Variants in PDE4D observed in about 807,000 individuals in gnomAD.
The protein encoded by PDE4D is 3',5'-cyclic-AMP phosphodiesterase 4D.
PDE4D carries 24 observed loss-of-function variants against 87.4 expected under a neutral mutation model. That is an observed-to-expected ratio of 0.27 (90% confidence interval 0.20 to 0.39). PDE4D has a LOEUF of 0.39. Ranked by LOEUF, PDE4D falls within the 10% of genes least tolerant of loss-of-function variation. The probability of loss-of-function intolerance (pLI) is 1.00; values close to 1 mark genes in which losing one functional copy is unlikely to be tolerated. For synonymous variants in PDE4D, 384 were observed against 383.2 expected, an observed-to-expected ratio of 1.00 and a Z score of -0.02; for missense variants, 714 against 1,041.0, an observed-to-expected ratio of 0.69 and a Z score of 4.32.
Position 59,942,957 on chromosome 5 carries a change from A to G in PDE4D, c.272+45531T>C, listed in dbSNP as rs571915383. 3.3e-5 allele frequency among the ~76,000 whole-genome samples: 5 copies of G among 152,148 alleles called. No individual in the cohort carries two copies. The South Asian group carries it at 1.0e-3, about 32-fold the overall frequency. ...AGGGACACAATATTTTCATGGGTAA[A>G]GAATGCTGCTAAATATCCCAAAACG... is the stretch of plus-strand genomic sequence containing the variant. On this transcript the variant is annotated intron_variant, in intron 3 of 16. Transcript: ENST00000502484.
At chr5:59,199,813 A>G (rs940376512) in intron 2 of PDE4D, among the ~76,000 whole-genome samples, 30 of 151,918 alleles carry the variant, frequency 2.0e-4, no homozygotes, top group African/African-American at 7.3e-4. Context: ...AATGTAACCT[A>G]CTTGATCTTT....
intron 4 of PDE4D, among the ~76,000 whole-genome samples, chr5:59,183,045 C>T (rs1053397711): frequency 6.6e-6 from 1 of 152,156 alleles, no homozygotes; most frequent in African/African-American, 2.4e-5. Context: ...TGTGAGTGCC[C>T]AGCAGGAAAG....
intron 1 of PDE4D, among the ~76,000 whole-genome samples, chr5:59,456,265 A>G (rs1171943123): frequency 2.6e-5 from 4 of 152,158 alleles, no homozygotes; most frequent in Non-Finnish European, 4.4e-5. Flanking sequence ...AGGTGATTCA[A>G]TTATGGGGGC....
intron 2 of PDE4D, among the ~76,000 whole-genome samples, chr5:60,088,954 T>G (rs1774820375): frequency 6.6e-6 from 1 of 151,932 alleles, no homozygotes; most frequent in Non-Finnish European, 1.5e-5. Context: ...ATTCACAAAC[T>G]GAATGTGAAG....
At chr5:59,991,856 CTGAG>C (rs1763037454) in intron 2 of PDE4D, among the ~76,000 whole-genome samples, 3 of 152,242 alleles carry the variant, frequency 2.0e-5, no homozygotes, top group East Asian at 1.9e-4. Flanking sequence ...ATGGTTAATA[CTGAG>C]TGTCAACTTG....
intron 1 of PDE4D, among the ~76,000 whole-genome samples, chr5:60,306,849 T>C (rs1754543028): frequency 1.3e-5 from 2 of 152,190 alleles, no homozygotes; most frequent in East Asian, 1.9e-4. Flanking sequence ...AAAAGACTTT[T>C]AGAAAAGTCG....
At chr5:59,196,492 T>C (rs1308786979) in intron 2 of PDE4D, among the ~76,000 whole-genome samples, 2 of 152,200 alleles carry the variant, frequency 1.3e-5, no homozygotes, top group Admixed American at 6.5e-5. Flanking sequence ...TATAGGTAAA[T>C]ATAGGGCTGC....
At chr5:60,193,072 ACT>A (rs1395945081) in intron 1 of PDE4D, among the ~76,000 whole-genome samples, 1 of 151,598 alleles carries the variant, frequency 6.6e-6, no homozygotes, top group Non-Finnish European at 1.5e-5. Context: ...TCTCTTCCTG[ACT>A]CTACTATTTT....
intron 6 of PDE4D, among the ~76,000 whole-genome samples, chr5:59,002,334 T>C (rs1376498616): frequency 6.6e-6 from 1 of 152,182 alleles, no homozygotes; most frequent in African/African-American, 2.4e-5. Flanking sequence ...AAAGATACTC[T>C]TAATGAGCCA....
At position 59,988,334 on chromosome 5, in the gene PDE4D, G is replaced by A. The variant is rs567489745; in HGVS notation, c.272+154C>T. ...TGTCTTCTCCTGCAGATATAGAAATGTCACCTGAGAAATTCATCCTTTTTT... is the reference window on the plus strand; with the variant it reads ...TGTCTTCTCCTGCAGATATAGAAATATCACCTGAGAAATTCATCCTTTTTT... On this transcript the variant is annotated intron_variant, in intron 3 of 16. Transcript: ENST00000502484. 5.2e-4 allele frequency: 277 copies of A among 530,190 alleles called. 2 individuals are homozygous for A. The highest frequency in any genetic ancestry group is 5.0e-3 in the African/African-American group (264 of 52,876). 32.8% of individuals were successfully genotyped at this position (530,190 alleles called of 1,614,324 possible). A position where few individuals can be genotyped will look rare whatever the true frequency, so the allele number is the denominator to read the frequency against.
chr5:60,201,984 A>G (rs971026658), intron 1 of PDE4D, among the ~76,000 whole-genome samples: 1 of 152,214 alleles, frequency 6.6e-6, no homozygotes, highest in Non-Finnish European at 1.5e-5. Context: ...TAAGACTTAT[A>G]TTATGCCAGA....
chr5:60,216,087 T>G (rs1743824270), intron 1 of PDE4D, among the ~76,000 whole-genome samples: 1 of 152,070 alleles, frequency 6.6e-6, no homozygotes, highest in Middle Eastern at 3.2e-3. Flanking sequence ...GGGCCCCTAT[T>G]TTACCAACAG....
intron 1 of PDE4D, among the ~76,000 whole-genome samples, chr5:59,612,537 T>C (rs1025181607): frequency 6.6e-5 from 10 of 152,052 alleles, no homozygotes; most frequent in African/African-American, 2.4e-4. Context: ...ATGAAATAAC[T>C]AGGGCTCTTG....
intron 1 of PDE4D, among the ~76,000 whole-genome samples, chr5:59,883,403 A>G (rs1749727706): frequency 1.3e-5 from 2 of 152,200 alleles, no homozygotes; most frequent in Non-Finnish European, 2.9e-5. Context: ...TTAATGGTGC[A>G]CACTTAGTGT....
chr5:60,391,807 A>G (rs1262516160), intron 1 of PDE4D, among the ~76,000 whole-genome samples: 1 of 152,156 alleles, frequency 6.6e-6, no homozygotes, highest in Admixed American at 6.5e-5. Flanking sequence ...TTTGGGGGCC[A>G]TTATTCTGCT....
intron 1 of PDE4D, among the ~76,000 whole-genome samples, chr5:60,350,762 A>C (rs778551648): frequency 3.0e-4 from 46 of 152,144 alleles, no homozygotes; most frequent in Non-Finnish European, 5.0e-4. Context: ...GCCAAACAAA[A>C]CATCTTATTT....
chr5:60,223,374 T>C (rs1169988504), intron 1 of PDE4D, among the ~76,000 whole-genome samples: 3 of 152,128 alleles, frequency 2.0e-5, no homozygotes, highest in South Asian at 4.1e-4. Context: ...GAAGCCAGAA[T>C]CTGCTATAAT....
intron 1 of PDE4D, among the ~76,000 whole-genome samples, chr5:59,762,854 G>GAGATAT (rs1554079481): frequency 1.5e-4 from 8 of 51,690 alleles, no homozygotes; most frequent in Admixed American, 1.0e-3. Flanking sequence ...ACTGCTTAAG[G>GAGATAT]ATATATATAT....
At chr5:59,276,668 G>C (rs1422996976) in intron 1 of PDE4D, among the ~76,000 whole-genome samples, 1 of 151,866 alleles carries the variant, frequency 6.6e-6, no homozygotes, top group Non-Finnish European at 1.5e-5. Flanking sequence ...ACGTATTAAG[G>C]CTGTTCCCTT....
Sources: gnomAD v4.1 joint callset for allele counts (sites outside exome capture counted in the v4.1 genomes callset) on GRCh38, gnomAD v4.1.1 for gene constraint, MANE v1.5 for transcripts, NCBI Gene and HGNC (gene_info 2026-07-23, HGNC 2026-07-21) for gene names.